The following CACNA1C variants were observed in gnomAD, a reference collection of about 807,000 sequenced individuals.
The protein encoded by CACNA1C is calcium voltage-gated channel subunit alpha1 C.
In CACNA1C, 30 loss-of-function variants were observed where a neutral mutation model predicts 229.0. The ratio of observed to expected loss-of-function variants is 0.13; its 90% CI spans 0.10 to 0.18. CACNA1C has a LOEUF of 0.18. Ranked by LOEUF, CACNA1C falls within the 10% of genes least tolerant of loss-of-function variation. CACNA1C has a pLI of 1.00. For missense variants in CACNA1C, 1,658 were observed against 2,845.0 expected, an observed-to-expected ratio of 0.58 and a Z score of 9.49; for synonymous variants, 1,114 against 1,132.5, an observed-to-expected ratio of 0.98 and a Z score of 0.33.
In CACNA1C at chr12:2,597,538, T is replaced by A. The variant is rs1333678238; in HGVS notation, c.2853+249T>A. 11 of 1,223,226 alleles carry A rather than the reference T, an allele frequency of 9.0e-6. No individual in the cohort carries two copies. Among genetic ancestry groups the A allele is most frequent in the African/African-American group, 1.5e-5 (1 of 67,344 alleles). The allele number at this position is 1,223,226 out of a possible 1,614,324, so 75.8% of individuals were successfully genotyped here. The stretch of plus-strand genomic sequence containing the variant: ...AATGCATCCTCTGTCGCTTTCTTTG[T>A]CTATCTCTGCTCTGTGTGGCTGGAT... On this transcript the variant is annotated intron_variant, in intron 21 of 46. Coordinates refer to ENST00000399655, the MANE Select transcript of CACNA1C (RefSeq NM_000719.7). This position sits in a 1 kb window ranked among gnomAD's most constrained non-coding sequence, Gnocchi z 4.3.
rs752386939 is a variant in CACNA1C, at chr12:2,566,491, C to T, written c.1578C>T (p.Phe526=). ...KCRAAVKSNV[F]YWLVIFLVFL... Reference sequence around the variant, plus strand: ...GCGCCGCAGTCAAGTCTAATGTCTTCTACTGGCTGGTGATTTTCCTGGTGT... The same window carrying T: ...GCGCCGCAGTCAAGTCTAATGTCTTTTACTGGCTGGTGATTTTCCTGGTGT... The change falls in exon 12 of 47, where the codon TTC becomes TTT. Residue 526 remains phenylalanine, a synonymous_variant. Transcript: ENST00000399655. The surrounding 1 kb of genome is among the most constrained non-coding windows in gnomAD (Gnocchi z 4.0). 12 of 1,595,602 alleles carry T rather than the reference C, an allele frequency of 7.5e-6. No homozygotes were observed. The highest frequency in any genetic ancestry group is 1.0e-5 in the Non-Finnish European group (12 of 1,171,068).
At chr12:2,193,745 A>G (rs904848363) in intron 3 of CACNA1C, among the ~76,000 whole-genome samples, 4 of 152,220 alleles carry the variant, frequency 2.6e-5, no homozygotes, top group East Asian at 1.9e-4. Flanking sequence ...TGACACCTCC[A>G]GGGCTGGCCA....
chr12:2,013,587 AAC>A (rs1344095142), intron 1 of CACNA1C, among the ~76,000 whole-genome samples: 1 of 152,176 alleles, frequency 6.6e-6, no homozygotes, highest in African/African-American at 2.4e-5. Flanking sequence ...TGATGCAAAA[AAC>A]ACAGATACAG....
At chr12:2,584,290 C>A (rs2061612193) in intron 15 of CACNA1C, among the ~76,000 whole-genome samples, 2 of 152,152 alleles carry the variant, frequency 1.3e-5, no homozygotes, top group South Asian at 4.2e-4. Flanking sequence ...CTAGCCTGTT[C>A]TCATCCCTCT....
At position 2,605,615 on chromosome 12, in the gene CACNA1C, C is replaced by T; in HGVS notation, c.3049-64C>T. 1 of 1,239,278 alleles carries T rather than the reference C, an allele frequency of 8.1e-7. No individual in the cohort carries two copies. The highest frequency in any genetic ancestry group is 1.2e-6 in the Non-Finnish European group (1 of 840,466). The allele number at this position is 1,239,278 out of a possible 1,614,324, so 76.8% of individuals were successfully genotyped here. A position where few individuals can be genotyped will look rare whatever the true frequency, so the allele number is the denominator to read the frequency against. On this transcript the variant is annotated intron_variant, in intron 23 of 46. Transcript: ENST00000399655. This position sits in a 1 kb window ranked among gnomAD's most constrained non-coding sequence, Gnocchi z 6.2. ...GTGGCAAACGGGCTGCCCCTGCTAC[C>T]TCCTGGAAAGGCTCCTGGCATCTCC...
rs147987948 is a variant in CACNA1C at position 1,971,055 on chromosome 12, A to G, written c.-8A>G. On this transcript the variant is annotated 5_prime_UTR_variant, in exon 1 of 47. Coordinates refer to the CACNA1C transcript ENST00000682462. The surrounding 1 kb of genome is among the most constrained non-coding windows in gnomAD (Gnocchi z 4.2). ...ATCAACCAATTAATATACATCTGGA[A>G]ATTCACAATGCTTCGAGCCTTTGTT... is the stretch of plus-strand genomic sequence containing the variant. The G allele has an allele frequency of 3.4e-5, 44 of 1,283,808 alleles. No individual in the cohort carries two copies. The highest frequency in any genetic ancestry group is 1.2e-4 in the Admixed American group (5 of 42,352). 79.5% of individuals were successfully genotyped at this position (1,283,808 alleles called of 1,614,324 possible). A position where few individuals can be genotyped will look rare whatever the true frequency, so the allele number is the denominator to read the frequency against.
chr12:2,174,203 A>G (rs1472147441), intron 3 of CACNA1C, among the ~76,000 whole-genome samples: 3 of 152,082 alleles, frequency 2.0e-5, no homozygotes, highest in Non-Finnish European at 2.9e-5. Flanking sequence ...GAGGGCTCTC[A>G]GGCAAGAGAG....
chr12:2,460,306 C>T (rs1006892089), intron 5 of CACNA1C, among the ~76,000 whole-genome samples: 4 of 152,214 alleles, frequency 2.6e-5, no homozygotes, highest in African/African-American at 9.7e-5. Flanking sequence ...TGGCCACCCT[C>T]AAAGATAATG....
chr12:2,310,352 A>AAATATATATATAT (rs201363709), intron 3 of CACNA1C, among the ~76,000 whole-genome samples: 8 of 139,842 alleles, frequency 5.7e-5, no homozygotes, highest in Middle Eastern at 3.6e-3. Flanking sequence ...TAAAAAAAAA[A>AAATATATATATAT]ATATATATAT....
chr12:2,251,241 G>A (rs1402735734), intron 3 of CACNA1C, among the ~76,000 whole-genome samples: 1 of 152,196 alleles, frequency 6.6e-6, no homozygotes, highest in Non-Finnish European at 1.5e-5. Flanking sequence ...GAAGGGCAAA[G>A]GGAAGCTGAG....
At chr12:2,437,387 G>A (rs1596237798) in intron 3 of CACNA1C, among the ~76,000 whole-genome samples, 1 of 152,340 alleles carries the variant, frequency 6.6e-6, no homozygotes, top group African/African-American at 2.4e-5. Context: ...AGGTGGCTGG[G>A]AGGTGAGCTG....
chr12:2,055,086 G>A (rs1246152318), intron 1 of CACNA1C, among the ~76,000 whole-genome samples: 2 of 152,262 alleles, frequency 1.3e-5, no homozygotes, highest in Non-Finnish European at 2.9e-5. Context: ...TTGGAAGAAA[G>A]AATCTTGTCA....
chr12:2,419,586 T>G (rs1183033383), intron 3 of CACNA1C, among the ~76,000 whole-genome samples: 1 of 152,128 alleles, frequency 6.6e-6, no homozygotes, highest in South Asian at 2.1e-4. Context: ...CAAATTAGAC[T>G]CGTTAGGGCA....
Position 2,597,380 on chromosome 12 carries a change from C to T in CACNA1C, c.2853+91C>T, listed in dbSNP as rs2068865338. The T allele has an allele frequency of 1.3e-6, 2 of 1,508,398 alleles. No homozygotes were observed. The allele number at this position is 1,508,398 out of a possible 1,614,324, so 93.4% of individuals were successfully genotyped here. On this transcript the variant is annotated intron_variant, in intron 21 of 46. Transcript: ENST00000399655. This position sits in a 1 kb window ranked among gnomAD's most constrained non-coding sequence, Gnocchi z 4.3. ...TCTGTCGCTAACACACATGCTCCTT[C>T]CTGTTGGTGTGGGGTTCACTCTCAG...
intron 1 of CACNA1C, among the ~76,000 whole-genome samples, chr12:2,087,991 A>C (rs1041912868): frequency 6.6e-6 from 1 of 152,188 alleles, no homozygotes; most frequent in Admixed American, 6.5e-5. Flanking sequence ...CTCATTCTGC[A>C]GGTTACTCAC....
intron 3 of CACNA1C, among the ~76,000 whole-genome samples, chr12:2,177,616 CCT>C (rs2096702591): frequency 5.4e-5 from 6 of 111,782 alleles, no homozygotes; most frequent in South Asian, 3.8e-4. Context: ...TTCCTTCCTT[CCT>C]TCCTTCCTTC....
intron 1 of CACNA1C, among the ~76,000 whole-genome samples, chr12:2,094,419 T>C (rs2072880777): frequency 6.6e-6 from 1 of 152,108 alleles, no homozygotes; most frequent in South Asian, 2.1e-4. Context: ...TTATCAATAT[T>C]AAGGGAGGAA....
chr12:2,537,309 T>C (rs1168182133), intron 9 of CACNA1C, among the ~76,000 whole-genome samples: 5 of 152,248 alleles, frequency 3.3e-5, no homozygotes, highest in African/African-American at 1.2e-4. Context: ...TGGCGCTTGC[T>C]TGGAGTAAAC....
chr12:2,361,932 C>T (rs1339714667), intron 3 of CACNA1C, among the ~76,000 whole-genome samples: 1 of 152,176 alleles, frequency 6.6e-6, no homozygotes, highest in Non-Finnish European at 1.5e-5. Context: ...TGACGTCGAG[C>T]TCTGCCTGAG....
Sources: allele counts gnomAD v4.1 joint callset (sites outside exome capture counted in the v4.1 genomes callset), GRCh38; gene constraint gnomAD v4.1.1; non-coding constraint Gnocchi (gnomAD v3.1); transcripts MANE v1.5; gene names NCBI Gene and HGNC (gene_info 2026-07-23, HGNC 2026-07-21).